Variants in REPS2 observed in about 807,000 individuals in gnomAD.
The protein encoded by REPS2 is RALBP1 associated Eps domain containing 2.
Under a neutral mutation model 53.6 loss-of-function variants are expected in REPS2, and 23 were observed. The ratio of observed to expected loss-of-function variants is 0.43; its 90% CI spans 0.31 to 0.61. The LOEUF is 0.61. Ranked by LOEUF, REPS2 falls within the 20% of genes least tolerant of loss-of-function variation. The pLI is 0.11. For missense variants in REPS2, 446 were observed against 534.9 expected (o/e 0.83, Z 1.64); for synonymous variants, 238 against 218.6 (o/e 1.09, Z -0.78).
chrX:17,159,861 A>G, the REPS2 span, among the ~76,000 whole-genome samples: 4 of 112,128 alleles, frequency 3.6e-5, no homozygotes, highest in Non-Finnish European at 7.5e-5. Context: ...CTTTCCTTGA[A>G]CTAGCCAAAA....
intron 14 of REPS2, among the ~76,000 whole-genome samples, chrX:17,113,086 T>A (rs1324669538): frequency 2.2e-5 from 1 of 44,662 alleles, no homozygotes; most frequent in African/African-American, 1.1e-4. Flanking sequence ...AGCAAGACTC[T>A]GTCTCAAAAA....
chrX:17,166,032 T>C, the REPS2 span, among the ~76,000 whole-genome samples: 1 of 111,936 alleles, frequency 8.9e-6, no homozygotes, highest in South Asian at 3.8e-4. Flanking sequence ...TTCATGATTA[T>C]TATACATAAT....
intron 11 of REPS2, among the ~76,000 whole-genome samples, chrX:17,073,136 G>A (rs138501311): frequency 8.9e-6 from 1 of 112,162 alleles, no homozygotes; most frequent in Non-Finnish European, 1.9e-5. Flanking sequence ...AATTCAGGCT[G>A]CTTCATACCA....
the REPS2 span, among the ~76,000 whole-genome samples, chrX:17,190,086 T>C: frequency 4.5e-5 from 5 of 111,998 alleles, no homozygotes; most frequent in African/African-American, 1.6e-4. Flanking sequence ...ATGGACAACT[T>C]CTTAAGAACT....
chrX:17,135,588 A>G lies in REPS2; in HGVS notation c.1808+182A>G. 5.9e-6 allele frequency: 3 copies of G among 512,251 alleles called. No homozygotes were observed. In the East Asian group the frequency reaches 1.2e-4, roughly 20 times the overall value. 42.2% of individuals were successfully genotyped at this position (512,251 alleles called of 1,213,427 possible). On this transcript the variant is annotated intron_variant, in intron 16 of 17. Transcript: ENST00000357277. ...TCACATAGAAGGCTTTATAAGCTAT[A>G]GGACTTAACCTGACCTAAAGGGGCA...
chrX:16,951,716 A>G (rs2060517001), intron 1 of REPS2, among the ~76,000 whole-genome samples: 1 of 111,521 alleles, frequency 9.0e-6, no homozygotes, highest in African/African-American at 3.3e-5. Context: ...ACCCTGTCTC[A>G]TAAAATAAAT....
chrX:17,045,619 A>G (rs933145208), intron 5 of REPS2, among the ~76,000 whole-genome samples: 2 of 108,373 alleles, frequency 1.8e-5, no homozygotes, highest in African/African-American at 3.4e-5. Flanking sequence ...TTTATTACAA[A>G]TGATTAACAA....
chrX:17,066,781 G>A (rs1386930056), intron 9 of REPS2, among the ~76,000 whole-genome samples: 2 of 111,962 alleles, frequency 1.8e-5, no homozygotes, highest in Non-Finnish European at 3.8e-5. Context: ...GCTGAGGCAG[G>A]AGAATCACTT....
intron 14 of REPS2, among the ~76,000 whole-genome samples, chrX:17,117,711 T>C (rs2063075649): frequency 9.1e-6 from 1 of 109,428 alleles, no homozygotes; most frequent in South Asian, 4.0e-4. Context: ...TCTTTGCTAT[T>C]GTGAATAGTG....
Position 16,952,207 on chromosome X carries a change from C to T in REPS2, c.273+5073C>T, listed in dbSNP as rs182942194. 6.3e-5 allele frequency among the ~76,000 whole-genome samples: 7 copies of T among 111,293 alleles called. No individual in the cohort carries two copies. The East Asian group carries it at 2.0e-3, about 31-fold the overall frequency. On this transcript the variant is annotated intron_variant, in intron 1 of 17. Coordinates refer to ENST00000357277, the MANE Select transcript of REPS2 (RefSeq NM_004726.3). The stretch of plus-strand genomic sequence containing the variant: ...CCCATCATCTACATTAGGTATTTCT[C>T]CTAATGCTATCTCTCCCCTAGCCCT...
chrX:16,967,916 A>G (rs978882858), intron 1 of REPS2, among the ~76,000 whole-genome samples: 29 of 108,368 alleles, frequency 2.7e-4, no homozygotes, highest in African/African-American at 9.4e-4. Flanking sequence ...TCACAGGACA[A>G]TAGTGGAGGG....
At chrX:17,175,229 C>T in the REPS2 span, among the ~76,000 whole-genome samples, 1 of 111,928 alleles carries the variant, frequency 8.9e-6, no homozygotes, top group Non-Finnish European at 1.9e-5. Flanking sequence ...TAGAGAAAGA[C>T]AAGGAAGAAA....
At chrX:17,045,752 A>G (rs1259522729) in intron 5 of REPS2, among the ~76,000 whole-genome samples, 2 of 110,199 alleles carry the variant, frequency 1.8e-5, no homozygotes, top group African/African-American at 3.3e-5. Context: ...TCCATTCTAC[A>G]GTTAGTATTT....
At chrX:16,967,987 G>A (rs865925869) in intron 1 of REPS2, among the ~76,000 whole-genome samples, 18 of 110,823 alleles carry the variant, frequency 1.6e-4, no homozygotes, top group African/African-American at 5.9e-4. Flanking sequence ...AGGACTCTGC[G>A]GCCTTCCGCA....
chrX:16,991,763 GCAGT>G (rs1479734667), intron 1 of REPS2, among the ~76,000 whole-genome samples: 2 of 110,397 alleles, frequency 1.8e-5, no homozygotes, highest in South Asian at 7.7e-4. Context: ...AAAAAAGAAG[GCAGT>G]CAGGTGAAGA....
the REPS2 span, among the ~76,000 whole-genome samples, chrX:17,178,870 CAG>C: frequency 9.7e-6 from 1 of 103,449 alleles, no homozygotes; most frequent in Non-Finnish European, 2.0e-5. Flanking sequence ...AGCCTGGCAA[CAG>C]AGCGAGACTC....
At chrX:16,978,798 A>C in intron 1 of REPS2, among the ~76,000 whole-genome samples, 1 of 112,278 alleles carries the variant, frequency 8.9e-6, no homozygotes. Flanking sequence ...TCCTTGGACA[A>C]GAGAAAAGTA....
intron 17 of REPS2, among the ~76,000 whole-genome samples, chrX:17,143,898 G>A (rs2063479445): frequency 9.0e-6 from 1 of 111,653 alleles, no homozygotes; most frequent in African/African-American, 3.3e-5. Flanking sequence ...GTTGTGTTGT[G>A]TTGTATGTGC....
chrX:17,028,664 A>G (rs930329459), intron 4 of REPS2, among the ~76,000 whole-genome samples: 1 of 112,742 alleles, frequency 8.9e-6, no homozygotes, highest in Non-Finnish European at 1.9e-5. Flanking sequence ...AGAGCAAACT[A>G]TGTTAAACAT....
Sources: gnomAD v4.1 joint callset for allele counts (sites outside exome capture counted in the v4.1 genomes callset) on GRCh38, gnomAD v4.1.1 for gene constraint, MANE v1.5 for transcripts, NCBI Gene and HGNC (gene_info 2026-07-23, HGNC 2026-07-21) for gene names.